ZDHHC15: variants seen among roughly 807,000 people sequenced by gnomAD.
ZDHHC15 encodes the protein zDHHC palmitoyltransferase 15.
ZDHHC15 carries 19 observed loss-of-function variants against 31.7 expected under a neutral mutation model. The ratio of observed to expected loss-of-function variants is 0.60; its 90% confidence interval spans 0.42 to 0.88. ZDHHC15 has a LOEUF of 0.88. ZDHHC15 is among the 40% of genes least tolerant of loss of function. The pLI is 0.00. For synonymous variants in ZDHHC15, 103 were observed against 90.0 expected, an observed-to-expected ratio of 1.14 and a Z score of -0.82; for missense variants, 209 against 251.2, an observed-to-expected ratio of 0.83 and a Z score of 1.14.
At chrX:75,484,276 T>C (rs759603584) in intron 2 of ZDHHC15, among the ~76,000 whole-genome samples, 1 of 111,785 alleles carries the variant, frequency 8.9e-6, no homozygotes. Flanking sequence ...CTTCCATTGA[T>C]TGTAATTTTG....
chrX:75,417,025 T>C, intron 10 of ZDHHC15, 62 bp downstream of exon 10: 1 of 944,009 alleles, frequency 1.1e-6, no homozygotes, highest in Non-Finnish European at 1.5e-6. Flanking sequence ...CTGGACACTA[T>C]TTACTCACCA....
chrX:75,503,699 T>C (rs2085119269), intron 2 of ZDHHC15, among the ~76,000 whole-genome samples: 2 of 111,375 alleles, frequency 1.8e-5, no homozygotes, highest in Non-Finnish European at 3.8e-5. Context: ...TAACAGTGCA[T>C]TAGAGAGTGA....
chrX:75,498,731 A>G (rs1297922096), intron 2 of ZDHHC15, among the ~76,000 whole-genome samples: 1 of 111,897 alleles, frequency 8.9e-6, no homozygotes, highest in African/African-American at 3.3e-5. Context: ...TACAGATTCA[A>G]TGCAATTCCC....
intron 3 of ZDHHC15, among the ~76,000 whole-genome samples, chrX:75,471,687 G>A (rs1249387416): frequency 8.9e-6 from 1 of 111,843 alleles, no homozygotes; most frequent in Non-Finnish European, 1.9e-5. Flanking sequence ...TTTTGAGTTG[G>A]GTCCAGAACA....
chrX:75,433,797 T>G (rs1292723831), intron 4 of ZDHHC15, among the ~76,000 whole-genome samples: 1 of 110,284 alleles, frequency 9.1e-6, no homozygotes, highest in Non-Finnish European at 1.9e-5. Context: ...TGTGTTGCGA[T>G]GAACATGCCT....
chrX:75,405,939 C>G (rs2083406796), intron 10 of ZDHHC15, among the ~76,000 whole-genome samples: 1 of 112,042 alleles, frequency 8.9e-6, no homozygotes, highest in Non-Finnish European at 1.9e-5. Context: ...TCACCAAATT[C>G]TAAAAAGTAG....
intron 2 of ZDHHC15, among the ~76,000 whole-genome samples, chrX:75,504,262 G>A (rs1352440364): frequency 9.0e-6 from 1 of 111,218 alleles, no homozygotes; most frequent in African/African-American, 3.3e-5. Flanking sequence ...GAGACTGAAA[G>A]GTTATGTGAT....
At position 75,372,513 on chromosome X, in the gene ZDHHC15, G is replaced by A. The variant is rs1344233587; in HGVS notation, c.*465C>T. On this transcript the variant is annotated 3_prime_UTR_variant, in exon 12 of 12. Coordinates refer to ENST00000373367, the MANE Select transcript of ZDHHC15 (RefSeq NM_144969.3). ...TAGCAGAATTTTGTATAGATATGCT[G>A]TACGTGTTCACAAATGCACACGCAC... 1 of 111,617 alleles carries A rather than the reference G, an allele frequency of 9.0e-6. No individual in the cohort carries two copies. Among genetic ancestry groups the A allele is most frequent in the African/African-American group, 3.3e-5 (1 of 30,744 alleles). 9.2% of individuals were successfully genotyped at this position (111,617 alleles called of 1,213,427 possible). A position where few individuals can be genotyped will look rare whatever the true frequency, so the allele number is the denominator to read the frequency against.
intron 3 of ZDHHC15, among the ~76,000 whole-genome samples, chrX:75,469,569 CCT>C (rs1403686610): frequency 1.8e-5 from 2 of 111,776 alleles, no homozygotes; most frequent in Non-Finnish European, 3.8e-5. Flanking sequence ...TCAGAATTTC[CCT>C]CTCTTTCCAA....
intron 3 of ZDHHC15, among the ~76,000 whole-genome samples, chrX:75,455,149 G>T (rs1001992503): frequency 9.0e-6 from 1 of 111,641 alleles, no homozygotes; most frequent in African/African-American, 3.3e-5. Context: ...AAAACTGCAT[G>T]GTACTGGTAC....
At chrX:75,444,081 C>A (rs1602634508) in intron 4 of ZDHHC15, among the ~76,000 whole-genome samples, 2 of 111,073 alleles carry the variant, frequency 1.8e-5, no homozygotes, top group South Asian at 7.8e-4. Flanking sequence ...GGATCTAGAA[C>A]TAGAAATGCC....
chrX:75,468,796 C>A (rs996407008), intron 3 of ZDHHC15, among the ~76,000 whole-genome samples: 7 of 111,871 alleles, frequency 6.3e-5, no homozygotes, highest in Admixed American at 5.7e-4. Flanking sequence ...GTCTTGTTTG[C>A]AATTCTCTAG....
intron 9 of ZDHHC15, among the ~76,000 whole-genome samples, chrX:75,419,346 A>G (rs2083591692): frequency 8.9e-6 from 1 of 112,481 alleles, no homozygotes. Flanking sequence ...GACACATGAA[A>G]AAATGGTCAT....
chrX:75,475,101 T>A (rs949327589), intron 3 of ZDHHC15, among the ~76,000 whole-genome samples: 1 of 112,019 alleles, frequency 8.9e-6, no homozygotes, highest in Non-Finnish European at 1.9e-5. Flanking sequence ...AAAAAAGTTT[T>A]TTGTTTAGCT....
chrX:75,502,683 T>A (rs2148041633), intron 2 of ZDHHC15, among the ~76,000 whole-genome samples: 1 of 110,923 alleles, frequency 9.0e-6, no homozygotes, highest in South Asian at 3.8e-4. Flanking sequence ...TATCTCTTAA[T>A]CATCACCTCA....
chrX:75,473,297 C>T (rs2084533203), intron 3 of ZDHHC15, among the ~76,000 whole-genome samples: 1 of 111,932 alleles, frequency 8.9e-6, no homozygotes, highest in African/African-American at 3.2e-5. Context: ...TTTCAATCAG[C>T]ATCCAATATA....
intron 3 of ZDHHC15, among the ~76,000 whole-genome samples, chrX:75,469,079 A>G (rs1157454254): frequency 9.0e-6 from 1 of 111,174 alleles, no homozygotes; most frequent in Non-Finnish European, 1.9e-5. Context: ...TGATGAAGTC[A>G]AATTTATCCA....
At chrX:75,458,773 C>T (rs181189479) in intron 3 of ZDHHC15, among the ~76,000 whole-genome samples, 20 of 109,502 alleles carry the variant, frequency 1.8e-4, no homozygotes, top group African/African-American at 6.6e-4. Context: ...TTTTTCCCAA[C>T]CAAAGGTCAA....
intron 9 of ZDHHC15, among the ~76,000 whole-genome samples, chrX:75,421,390 ATATATATAT>A (rs1451363176): frequency 9.1e-4 from 2 of 2,194 alleles, no homozygotes; most frequent in African/African-American, 1.6e-3. Flanking sequence ...ATGTGTGTAT[ATATATATAT>A]TATATATATA....
Sources: gnomAD v4.1 joint callset for allele counts (sites outside exome capture counted in the v4.1 genomes callset) on GRCh38, gnomAD v4.1.1 for gene constraint, MANE v1.5 for transcripts, NCBI Gene and HGNC (gene_info 2026-07-23, HGNC 2026-07-21) for gene names.